FBLIM1: variants seen among roughly 807,000 people sequenced by gnomAD.
FBLIM1 encodes filamin binding LIM protein 1.
Under a neutral mutation model 37.4 loss-of-function variants are expected in FBLIM1, and 29 were observed. That is an observed-to-expected ratio of 0.77 (90% CI 0.58 to 1.06). The LOEUF is 1.06. FBLIM1 is among the 50% of genes least tolerant of loss of function. The probability of loss-of-function intolerance (pLI) is 0.00; values close to 1 mark genes in which losing one functional copy is unlikely to be tolerated. For missense variants in FBLIM1, 449 were observed against 505.6 expected (o/e 0.89, Z 1.07); for synonymous variants, 193 against 199.0 (o/e 0.97, Z 0.25).
intron 1 of FBLIM1, among the ~76,000 whole-genome samples, chr1:15,761,697 T>C (rs1415310782): frequency 2.0e-5 from 3 of 152,216 alleles, no homozygotes; most frequent in African/African-American, 7.2e-5. Flanking sequence ...TCTTTCCTAA[T>C]ATATTGGTTT....
chr1:15,761,155 G>C (rs987439286), intron 1 of FBLIM1, among the ~76,000 whole-genome samples: 1 of 152,170 alleles, frequency 6.6e-6, no homozygotes, highest in Non-Finnish European at 1.5e-5. Flanking sequence ...CCATCCCGAA[G>C]CCCCACAGCA....
chr1:15,772,522 A>G (rs1220363589), intron 6 of FBLIM1, among the ~76,000 whole-genome samples: 1 of 152,202 alleles, frequency 6.6e-6, no homozygotes, highest in Non-Finnish European at 1.5e-5. Flanking sequence ...TAAAATGCAC[A>G]GGAGCACAGC....
chr1:15,768,677 A>G (rs746516775), intron 5 of FBLIM1, 47 bp downstream of exon 5: 64 of 1,472,012 alleles, frequency 4.3e-5, no homozygotes, highest in Admixed American at 6.8e-5. Context: ...TCATGGGGCC[A>G]GCATGGGCTT....
At chr1:15,776,145 C>T (rs2069479778) in intron 7 of FBLIM1, among the ~76,000 whole-genome samples, 1 of 152,060 alleles carries the variant, frequency 6.6e-6, no homozygotes, top group Non-Finnish European at 1.5e-5. Flanking sequence ...GGGCCGGGCG[C>T]GGTAGCTCAC....
upstream of FBLIM1, among the ~76,000 whole-genome samples, chr1:15,757,073 A>C (rs1231298731): frequency 4.6e-5 from 7 of 152,094 alleles, no homozygotes; most frequent in Non-Finnish European, 1.0e-4. This position sits in a 1 kb window ranked among gnomAD's most constrained non-coding sequence, Gnocchi z 4.1. Context: ...GTCTCCTCCA[A>C]AGGGTGCTGC....
chr1:15,762,282 G>A (rs1449518246), intron 1 of FBLIM1, among the ~76,000 whole-genome samples: 1 of 45,430 alleles, frequency 2.2e-5, no homozygotes, highest in Non-Finnish European at 4.7e-5. Context: ...TTTTTTTTTT[G>A]AGACAGACTC....
intron 8 of FBLIM1, among the ~76,000 whole-genome samples, chr1:15,779,781 A>G (rs2069590035): frequency 6.6e-6 from 1 of 152,198 alleles, no homozygotes; most frequent in Non-Finnish European, 1.5e-5. Context: ...TGTCCCAGGA[A>G]GAAGGGCCCA....
upstream of FBLIM1, among the ~76,000 whole-genome samples, chr1:15,757,748 ATCTG>A (rs916121530): frequency 2.1e-4 from 32 of 152,198 alleles, no homozygotes; most frequent in African/African-American, 7.0e-4. The surrounding 1 kb of genome is among the most constrained non-coding windows in gnomAD (Gnocchi z 4.1). Flanking sequence ...CAAAAGAACA[ATCTG>A]TCTGCCTCTG....
rs540854600 is a variant in FBLIM1 at position 15,781,721 on chromosome 1, T to G, written c.1009-2827T>G. ...ACTTTTATATGTAGGTAGTATTGTT[T>G]TTTTTTTTTTTTTTTGAGACGGAGT... On this transcript the variant is annotated intron_variant, in intron 8 of 8. Transcript: ENST00000375766. Among the ~76,000 whole-genome samples the G allele has an allele frequency of 1.4e-4, 21 of 145,374 alleles. No homozygotes were observed. In the East Asian group the frequency reaches 3.8e-3, roughly 26 times the overall value.
rs180979086 is a variant in FBLIM1 at position 15,786,438 on chromosome 1, C to A, written c.*1777C>A. ...TTGTTATAACCAAAGGCCTCCTGTT[C>A]TGTTATTTCACTTAAATCAACATGC... On this transcript the variant is annotated 3_prime_UTR_variant, in exon 9 of 9. Transcript: ENST00000375766. 2 of 152,272 alleles carry A rather than the reference C, an allele frequency of 1.3e-5. No homozygotes were observed. Among genetic ancestry groups the A allele is most frequent in the East Asian group, 3.8e-4 (2 of 5,202 alleles). The allele number at this position is 152,272 out of a possible 1,614,324, so 9.4% of individuals were successfully genotyped here. A position where few individuals can be genotyped will look rare whatever the true frequency, so the allele number is the denominator to read the frequency against.
chr1:15,769,177 G>A (rs916377273), intron 5 of FBLIM1, among the ~76,000 whole-genome samples: 6 of 152,202 alleles, frequency 3.9e-5, no homozygotes, highest in Non-Finnish European at 8.8e-5. Context: ...TCACACATCA[G>A]AATATAAAGT....
intron 3 of FBLIM1, among the ~76,000 whole-genome samples, chr1:15,766,009 C>G (rs921330940): frequency 1.3e-5 from 2 of 152,216 alleles, no homozygotes; most frequent in Non-Finnish European, 2.9e-5. Context: ...GGGCCTGTAC[C>G]AACACAGTCA....
Position 15,774,772 on chromosome 1 carries a change from T to C in FBLIM1, c.866T>C (p.Val289Ala). 6.2e-7 allele frequency: 1 copy of C among 1,614,006 alleles called. No homozygotes were observed. The highest frequency in any genetic ancestry group is 8.5e-7 in the Non-Finnish European group (1 of 1,179,988). Residue 289 changes from valine to alanine, a missense_variant, in exon 7 of 9, where the codon GTG becomes GCG. Physicochemically the swap from Val to Ala is moderately conservative, Grantham distance 64 (BLOSUM62 0). Coordinates refer to ENST00000375766, the MANE Select transcript of FBLIM1 (RefSeq NM_017556.4). ...ESFALGSQNEVYCLDDFYRKF... is the reference protein window; with the variant it reads ...ESFALGSQNEAYCLDDFYRKF... Reference sequence around the variant, plus strand: ...TTTGCCCTGGGCAGCCAGAACGAGGTGTACTGCCTGGACGACTTCTACAGG... The same window carrying C: ...TTTGCCCTGGGCAGCCAGAACGAGGCGTACTGCCTGGACGACTTCTACAGG...
At chr1:15,762,316 T>G (rs1003593670) in intron 1 of FBLIM1, among the ~76,000 whole-genome samples, 1 of 140,766 alleles carries the variant, frequency 7.1e-6, no homozygotes, top group Non-Finnish European at 1.5e-5. Flanking sequence ...CAGGCTGGAG[T>G]GTGGTGGTGC....
intron 6 of FBLIM1, among the ~76,000 whole-genome samples, chr1:15,772,941 C>T (rs916317405): frequency 2.0e-5 from 3 of 152,028 alleles, no homozygotes; most frequent in East Asian, 3.9e-4. Flanking sequence ...CCCACCACCA[C>T]GCCCGGCTAT....
chr1:15,768,447 C>T (rs560709465), intron 4 of FBLIM1, 81 bp from the exon 5 acceptor site: 1 of 957,828 alleles, frequency 1.0e-6, no homozygotes, highest in Non-Finnish European at 1.5e-6. Flanking sequence ...CTAATTGTAC[C>T]TGTTACCACC....
At chr1:15,767,589 C>G (rs2068990081) in intron 4 of FBLIM1, 26 bp downstream of exon 4, 1 of 871,350 alleles carries the variant, frequency 1.1e-6, no homozygotes, top group East Asian at 3.2e-5. Context: ...CGACCCCCAG[C>G]AATCCCTTGG....
At position 15,767,571 on chromosome 1, in the gene FBLIM1, C is replaced by CT; in HGVS notation, c.438+9dup. ...CCCCCGCCCCCACCACAGGTACTGC[C>CT]TGCCCCCCGACCCCCAGCAATCCCT... is the stretch of plus-strand genomic sequence containing the variant. On this transcript the variant is annotated intron_variant, in intron 4 of 8. Transcript: ENST00000375766. 9.6e-7 allele frequency: 1 copy of CT among 1,037,188 alleles called. No homozygotes were observed. 64.2% of individuals were successfully genotyped at this position (1,037,188 alleles called of 1,614,324 possible). A position where few individuals can be genotyped will look rare whatever the true frequency, so the allele number is the denominator to read the frequency against.
Position 15,767,408 on chromosome 1 carries a change from G to A in FBLIM1, c.283G>A (p.Glu95Lys). ...ACCCCCTCCTCCTGTCCTGGATGGT[G>A]AGGACGTGCTTCCTGACCTGGACCT... ...CPPPPPVLDG[E>K]DVLPDLDLLP... The change falls in exon 4 of 9, where the codon GAG (glutamate) becomes AAG (lysine). Residue 95 changes from glutamate (E) to lysine (K), a missense_variant. Transcript: ENST00000375766. 1.3e-6 allele frequency: 2 copies of A among 1,578,702 alleles called. No homozygotes were observed. Among genetic ancestry groups the A allele is most frequent in the Admixed American group, 1.7e-5 (1 of 57,764 alleles).
Sources: gnomAD v4.1 joint callset for allele counts (sites outside exome capture counted in the v4.1 genomes callset) on GRCh38, gnomAD v4.1.1 for gene constraint, Gnocchi (gnomAD v3.1) non-coding constraint, MANE v1.5 for transcripts, NCBI Gene and HGNC (gene_info 2026-07-23, HGNC 2026-07-21) for gene names.